NR3C1: variants seen among roughly 807,000 people sequenced by gnomAD.
The protein encoded by NR3C1 is glucocorticoid receptor.
In NR3C1, 14 loss-of-function variants were observed where a neutral mutation model predicts 74.0. The ratio of observed to expected loss-of-function variants is 0.19; its 90% CI spans 0.12 to 0.30. The LOEUF (loss-of-function observed/expected upper bound fraction) is 0.30. NR3C1 is among the 10% of genes least tolerant of loss of function. NR3C1 has a pLI of 1.00. For missense variants in NR3C1, 695 were observed against 909.8 expected (o/e 0.76, Z 3.04); for synonymous variants, 308 against 332.5 (o/e 0.93, Z 0.80).
chr5:143,404,603 C>CCCCCCAATTGGG, upstream of NR3C1: 1 of 826,280 alleles, frequency 1.2e-6, no homozygotes, highest in Non-Finnish European at 1.5e-6. Flanking sequence ...CCACCCCTCC[C>CCCCCCAATTGGG]GCCCAATGTG....
At chr5:143,286,727 T>C (rs1436398449) in intron 7 of NR3C1, among the ~76,000 whole-genome samples, 2 of 151,964 alleles carry the variant, frequency 1.3e-5, no homozygotes, top group Non-Finnish European at 2.9e-5. Context: ...TCAGCAAAGA[T>C]ACAGAAAACT....
At position 143,279,273 on chromosome 5, in the gene NR3C1, C is replaced by T; in HGVS notation, c.*2616G>A. ...GCCTCCTATAGTTGTCGATGAGCAT[C>T]AGTTGACTTATTATTGACAACGAAG... On this transcript the variant is annotated 3_prime_UTR_variant, in exon 9 of 9. Transcript: ENST00000394464. The T allele has an allele frequency of 2.8e-6, 4 of 1,418,980 alleles. No homozygotes were observed. Among genetic ancestry groups the T allele is most frequent in the Non-Finnish European group, 3.8e-6 (4 of 1,048,864 alleles). The allele number at this position is 1,418,980 out of a possible 1,614,324, so 87.9% of individuals were successfully genotyped here.
chr5:143,399,420 C>G (rs1012436596), intron 2 of NR3C1, among the ~76,000 whole-genome samples: 6 of 152,054 alleles, frequency 3.9e-5, no homozygotes, highest in Admixed American at 3.9e-4. Context: ...AAATAAAATC[C>G]TCACCGTTGG....
intron 2 of NR3C1, among the ~76,000 whole-genome samples, chr5:143,365,251 C>T (rs1832980780): frequency 1.3e-5 from 2 of 152,016 alleles, no homozygotes; most frequent in African/African-American, 4.8e-5. Flanking sequence ...TTTAAACTCC[C>T]CAAATAAAAA....
intron 2 of NR3C1, among the ~76,000 whole-genome samples, chr5:143,378,739 C>G (rs546609052): frequency 6.6e-6 from 1 of 152,296 alleles, no homozygotes; most frequent in African/African-American, 2.4e-5. Flanking sequence ...TCCAATATGA[C>G]AACTATGTTT....
intron 2 of NR3C1, among the ~76,000 whole-genome samples, chr5:143,391,326 G>A (rs1232903787): frequency 6.6e-6 from 1 of 152,076 alleles, no homozygotes; most frequent in Non-Finnish European, 1.5e-5. Context: ...AAACAAGTCA[G>A]TGCAGTCAAG....
chr5:143,415,680 T>C (rs1173792568), intron 1 of NR3C1, among the ~76,000 whole-genome samples: 1 of 152,206 alleles, frequency 6.6e-6, no homozygotes, highest in Non-Finnish European at 1.5e-5. Flanking sequence ...ATGTAAATTG[T>C]TTTCAATTTT....
At chr5:143,375,783 T>C (rs902556300) in intron 2 of NR3C1, 2 of 152,048 alleles carry the variant, frequency 1.3e-5, no homozygotes, top group East Asian at 1.9e-4. Context: ...ACTGGAAAAA[T>C]TGATCAAAGA....
intron 1 of NR3C1, among the ~76,000 whole-genome samples, chr5:143,416,325 A>G (rs1600671679): frequency 6.6e-6 from 1 of 152,276 alleles, no homozygotes; most frequent in Admixed American, 6.5e-5. Context: ...AGGGACAGAT[A>G]CACCTTAATT....
Position 143,434,632 on chromosome 5 carries a change from C to T in NR3C1, c.-114G>A, listed in dbSNP as rs61757436. Reference sequence around the variant, plus strand: ...CTGTTATTAAGGTACAACTAAAGCCCGAGGAGGGTAGGAGCTGCATTTTGT... The same window carrying T: ...CTGTTATTAAGGTACAACTAAAGCCTGAGGAGGGTAGGAGCTGCATTTTGT... On this transcript the variant is annotated 5_prime_UTR_variant, in exon 1 of 9. Transcript: ENST00000343796. 50 of 985,382 alleles carry T rather than the reference C, an allele frequency of 5.1e-5. No individual in the cohort carries two copies. In the East Asian group the frequency reaches 1.1e-3, roughly 22 times the overall value. 61.0% of individuals were successfully genotyped at this position (985,382 alleles called of 1,614,324 possible).
At chr5:143,285,271 CAAGGCTAAATTAGTCCCAGAAAA>C in intron 7 of NR3C1, among the ~76,000 whole-genome samples, 1 of 152,202 alleles carries the variant, frequency 6.6e-6, no homozygotes, top group East Asian at 1.9e-4. Context: ...ATCTCAGAAG[CAAGGCTAAATTAGTCCCAGAAAA>C]AAGGCTACAT....
chr5:143,412,919 G>T (rs9324924), intron 1 of NR3C1, among the ~76,000 whole-genome samples: 69,205 of 151,958 alleles, frequency 0.46, 17,454 homozygotes, highest in African/African-American at 0.69. Context: ...AGCTATTTTA[G>T]GCATGGTTTC....
chr5:143,388,694 G>A (rs555089605), intron 2 of NR3C1, among the ~76,000 whole-genome samples: 1 of 152,188 alleles, frequency 6.6e-6, no homozygotes, highest in Non-Finnish European at 1.5e-5. Context: ...TCTGGGGAAA[G>A]AACATTTCAG....
At position 143,403,274 on chromosome 5, in the gene NR3C1, C is replaced by T; in HGVS notation, c.-77G>A. On this transcript the variant is annotated 5_prime_UTR_variant, in exon 1 of 9. Coordinates refer to ENST00000394464, the MANE Select transcript of NR3C1 (RefSeq NM_000176.3). ...TTCCCGCCGCAGCCGAGATAAACAA[C>T]TTAGCTTGTGAACGCAGAAGGAGCA... 1.0e-6 allele frequency: 1 copy of T among 985,534 alleles called. No homozygotes were observed. The highest frequency in any genetic ancestry group is 1.2e-6 in the Non-Finnish European group (1 of 830,060). 61.0% of individuals were successfully genotyped at this position (985,534 alleles called of 1,614,324 possible).
upstream of NR3C1, among the ~76,000 whole-genome samples, chr5:143,405,600 C>A (rs891179387): frequency 6.6e-6 from 1 of 152,060 alleles, no homozygotes; most frequent in African/African-American, 2.4e-5. Context: ...TGTCCGGAGA[C>A]GATCTACGGG....
chr5:143,301,959 T>C (rs1273373124), intron 4 of NR3C1, among the ~76,000 whole-genome samples: 1 of 152,084 alleles, frequency 6.6e-6, no homozygotes, highest in East Asian at 1.9e-4. Flanking sequence ...AAAATTTTTA[T>C]TAATAGTTCA....
chr5:143,377,635 G>A (rs1390476192), intron 2 of NR3C1, among the ~76,000 whole-genome samples: 1 of 152,186 alleles, frequency 6.6e-6, no homozygotes, highest in Admixed American at 6.5e-5. Flanking sequence ...CGCTGAAAAG[G>A]TACAAGGTCC....
chr5:143,333,178 A>T, intron 2 of NR3C1: 8 of 1,576,504 alleles, frequency 5.1e-6, no homozygotes, highest in Non-Finnish European at 6.0e-6. Flanking sequence ...TTCCTCAAGG[A>T]GATGGGCACA....
chr5:143,329,023 G>T (rs1184284045), intron 2 of NR3C1, among the ~76,000 whole-genome samples: 1 of 152,064 alleles, frequency 6.6e-6, no homozygotes, highest in African/African-American at 2.4e-5. Flanking sequence ...CTTTATAGCA[G>T]TACCCAACCC....
Sources: gnomAD v4.1 joint callset for allele counts (sites outside exome capture counted in the v4.1 genomes callset) on GRCh38, gnomAD v4.1.1 for gene constraint, MANE v1.5 for transcripts, NCBI Gene and HGNC (gene_info 2026-07-23, HGNC 2026-07-21) for gene names.